The following CTNNA2 variants were observed in gnomAD, a reference collection of about 807,000 sequenced individuals.
The protein encoded by CTNNA2 is catenin alpha-2.
A neutral mutation model predicts 101.0 loss-of-function variants in CTNNA2; 42 were observed. The ratio of observed to expected loss-of-function variants is 0.42; its 90% CI spans 0.32 to 0.54. The LOEUF is 0.54. Ranked by LOEUF, CTNNA2 falls within the 20% of genes least tolerant of loss-of-function variation. CTNNA2 has a pLI of 0.14. For synonymous variants in CTNNA2, 450 were observed against 456.4 expected, an observed-to-expected ratio of 0.99 and a Z score of 0.18; for missense variants, 871 against 1,223.1, an observed-to-expected ratio of 0.71 and a Z score of 4.29.
At chr2:79,975,163 A>G (rs1690747768) in intron 7 of CTNNA2, among the ~76,000 whole-genome samples, 1 of 152,170 alleles carries the variant, frequency 6.6e-6, no homozygotes, top group South Asian at 2.1e-4. Flanking sequence ...TATTCGTGAA[A>G]CAAAATGATT....
chr2:79,396,618 G>A lies in CTNNA2; in HGVS notation c.-135+22605G>A, dbSNP rs188318480. 1.6e-4 allele frequency among the ~76,000 whole-genome samples: 25 copies of A among 152,148 alleles called. No homozygotes were observed. The East Asian group carries it at 4.4e-3, about 27-fold the overall frequency. On this transcript the variant is annotated intron_variant, in intron 4 of 21. Transcript: ENST00000466387. The stretch of plus-strand genomic sequence containing the variant: ...ACTTTTCTAATTGAAAGCTCAACAT[G>A]GATTGATCTCATTTGAAATAATTCA...
intron 18 of CTNNA2, among the ~76,000 whole-genome samples, chr2:80,628,421 A>G (rs9678631): frequency 0.067 from 10,236 of 151,788 alleles, 394 homozygotes; most frequent in African/African-American, 0.12. Context: ...CAGAGATATC[A>G]ACCAATGGAA....
chr2:79,945,779 T>A (rs1301244189), intron 7 of CTNNA2, among the ~76,000 whole-genome samples: 1 of 152,152 alleles, frequency 6.6e-6, no homozygotes, highest in Non-Finnish European at 1.5e-5. Context: ...AGACATTTAG[T>A]TCAGTATCCA....
At chr2:80,078,774 A>C (rs1335528208) in intron 7 of CTNNA2, among the ~76,000 whole-genome samples, 2 of 152,112 alleles carry the variant, frequency 1.3e-5, no homozygotes, top group Non-Finnish European at 2.9e-5. Flanking sequence ...TCATTTTGCC[A>C]GGGGCATTTG....
intron 2 of CTNNA2, among the ~76,000 whole-genome samples, chr2:79,690,753 G>A (rs1684239926): frequency 1.3e-5 from 2 of 151,932 alleles, no homozygotes; most frequent in South Asian, 2.1e-4. Flanking sequence ...GGCTGCAGAG[G>A]AAGTGGGGGC....
intron 3 of CTNNA2, among the ~76,000 whole-genome samples, chr2:79,338,585 T>TCTTCTTCTC (rs1451844291): frequency 7.9e-6 from 1 of 126,114 alleles, no homozygotes; most frequent in South Asian, 2.7e-4. Context: ...ATCATCTTCT[T>TCTTCTTCTC]CTTCTTCTTC....
At chr2:80,426,844 C>A (rs935708849) in intron 9 of CTNNA2, among the ~76,000 whole-genome samples, 1 of 151,902 alleles carries the variant, frequency 6.6e-6, no homozygotes, top group South Asian at 2.1e-4. Context: ...TTGTTTGTTT[C>A]CTGATGCATT....
chr2:80,555,955 T>C (rs1468862472), intron 12 of CTNNA2, 62 bp downstream of exon 12: 8 of 1,150,512 alleles, frequency 7.0e-6, no homozygotes, highest in African/African-American at 1.6e-5. Flanking sequence ...TATAACTGAA[T>C]AAATCTGTTT....
At chr2:80,268,353 T>C (rs990486606) in intron 7 of CTNNA2, among the ~76,000 whole-genome samples, 1 of 152,246 alleles carries the variant, frequency 6.6e-6, no homozygotes, top group Non-Finnish European at 1.5e-5. Flanking sequence ...CATCTATTTT[T>C]ATTTCATTTG....
At chr2:79,901,106 G>T (rs1685041938) in intron 6 of CTNNA2, among the ~76,000 whole-genome samples, 1 of 152,110 alleles carries the variant, frequency 6.6e-6, no homozygotes, top group African/African-American at 2.4e-5. Flanking sequence ...ATTTAAACAT[G>T]CATTGTCATT....
At chr2:79,258,832 C>A (rs1674882217) in intron 2 of CTNNA2, among the ~76,000 whole-genome samples, 1 of 117,742 alleles carries the variant, frequency 8.5e-6, no homozygotes, top group Admixed American at 1.0e-4. Flanking sequence ...GAAGCCAAGG[C>A]CAAATCCTCT....
chr2:79,693,965 T>A (rs1684488433), intron 2 of CTNNA2, among the ~76,000 whole-genome samples: 1 of 151,960 alleles, frequency 6.6e-6, no homozygotes, highest in Non-Finnish European at 1.5e-5. Context: ...TGTAGATGAC[T>A]TAGGAAGAAT....
chr2:79,749,077 C>A (rs1016439201), intron 3 of CTNNA2, among the ~76,000 whole-genome samples: 3 of 152,130 alleles, frequency 2.0e-5, no homozygotes, highest in African/African-American at 7.2e-5. Context: ...TTTCACGTAT[C>A]ACCATTTACC....
At position 79,922,607 on chromosome 2, in the gene CTNNA2, A is replaced by G. The variant is rs1574319757; in HGVS notation, c.1056+12810A>G. On this transcript the variant is annotated intron_variant, in intron 7 of 18. Coordinates refer to ENST00000402739, the MANE Select transcript of CTNNA2 (RefSeq NM_001282597.3). ...TTTCCTCATCTGTTTATTTTCAACC[A>G]CTTGTAAAACCTTTAAAACCATATC... 2.0e-5 allele frequency among the ~76,000 whole-genome samples: 3 copies of G among 146,570 alleles called. No homozygotes were observed. In the South Asian group the frequency reaches 6.4e-4, roughly 31 times the overall value.
intron 14 of CTNNA2, among the ~76,000 whole-genome samples, chr2:80,584,124 G>C (rs1695771707): frequency 6.6e-6 from 1 of 152,098 alleles, no homozygotes; most frequent in Admixed American, 6.6e-5. Context: ...TCAGACTTTT[G>C]ACCAGCAAAG....
intron 9 of CTNNA2, among the ~76,000 whole-genome samples, chr2:80,504,991 A>G (rs999499151): frequency 6.6e-6 from 1 of 152,192 alleles, no homozygotes; most frequent in African/African-American, 2.4e-5. Context: ...TGTCCCACAC[A>G]TACACCCAGC....
intron 7 of CTNNA2, among the ~76,000 whole-genome samples, chr2:80,045,625 T>C (rs1696465056): frequency 6.6e-6 from 1 of 152,180 alleles, no homozygotes; most frequent in Non-Finnish European, 1.5e-5. Flanking sequence ...CATAAATTCT[T>C]GAGTCTCCTA....
chr2:79,406,427 G>A (rs1678342652), intron 4 of CTNNA2, among the ~76,000 whole-genome samples: 1 of 151,978 alleles, frequency 6.6e-6, no homozygotes, highest in Non-Finnish European at 1.5e-5. Flanking sequence ...CCCCACAATG[G>A]GCATGAGAGA....
At chr2:80,280,936 G>C (rs538218627) in intron 7 of CTNNA2, among the ~76,000 whole-genome samples, 1 of 152,254 alleles carries the variant, frequency 6.6e-6, no homozygotes, top group East Asian at 1.9e-4. Flanking sequence ...ATAAGGGAGA[G>C]AGTATTTCTG....
Sources: allele counts gnomAD v4.1 joint callset (sites outside exome capture counted in the v4.1 genomes callset), GRCh38; gene constraint gnomAD v4.1.1; transcripts MANE v1.5; gene names NCBI Gene and HGNC (gene_info 2026-07-23, HGNC 2026-07-21).